TBCK: variants seen among roughly 807,000 people sequenced by gnomAD.
TBCK encodes TBC1 domain containing kinase, also known as TBC domain-containing protein kinase-like protein.
In TBCK, 99 loss-of-function variants were observed where a neutral mutation model predicts 113.4. That is an observed-to-expected ratio of 0.87 (90% CI 0.74 to 1.03). The LOEUF is 1.03. Among genes scored for constraint, TBCK ranks in the 50% least tolerant of loss-of-function variants. The pLI is 0.00. For synonymous variants in TBCK, 369 were observed against 370.8 expected (o/e 1.00, Z 0.05); for missense variants, 1,045 against 1,061.3 (o/e 0.98, Z 0.21).
intron 25 of TBCK, among the ~76,000 whole-genome samples, chr4:106,078,867 GA>G (rs1177140048): frequency 1.3e-5 from 2 of 152,024 alleles, no homozygotes; most frequent in African/African-American, 4.8e-5. Context: ...TATCTCTGAT[GA>G]ACATGCAAAA....
At position 106,134,799 on chromosome 4, in the gene TBCK, C is replaced by T. The variant is rs368466079; in HGVS notation, c.2236-18421G>A. ...TTAATTTACCTTGTACCTCTCTGAG[C>T]AGGTGAGAAGTAGGGAGAGAGATGG... On this transcript the variant is annotated intron_variant, in intron 23 of 25. Transcript: ENST00000394708. Among the ~76,000 whole-genome samples the T allele has an allele frequency of 1.2e-4, 18 of 152,254 alleles. No individual in the cohort carries two copies. In the South Asian group the frequency reaches 3.7e-3, roughly 32 times the overall value.
intron 25 of TBCK, among the ~76,000 whole-genome samples, chr4:106,076,647 C>A (rs1738228683): frequency 6.6e-6 from 1 of 152,134 alleles, no homozygotes; most frequent in South Asian, 2.1e-4. Context: ...AAAGGGAACT[C>A]TGTCAGGCTC....
chr4:106,105,233 G>C (rs1367246126), intron 24 of TBCK, among the ~76,000 whole-genome samples: 1 of 152,216 alleles, frequency 6.6e-6, no homozygotes, highest in Non-Finnish European at 1.5e-5. Flanking sequence ...CTCATCACCA[G>C]ACAGGAAACT....
intron 25 of TBCK, among the ~76,000 whole-genome samples, chr4:106,050,440 A>C (rs185276602): frequency 2.0e-5 from 3 of 152,154 alleles, no homozygotes; most frequent in Non-Finnish European, 4.4e-5. Flanking sequence ...CAATTCAAAA[A>C]AGCAACTCAA....
chr4:106,108,077 A>G (rs1742386958), intron 24 of TBCK, among the ~76,000 whole-genome samples: 1 of 152,200 alleles, frequency 6.6e-6, no homozygotes, highest in Admixed American at 6.5e-5. Flanking sequence ...TTCCCTGAAC[A>G]GACCAATAAT....
rs11386971 is a variant in TBCK, at chr4:106,171,402, T to TA, written c.2060-133dup. On this transcript the variant is annotated intron_variant, in intron 22 of 25. Coordinates refer to ENST00000394708, the MANE Select transcript of TBCK (RefSeq NM_001163435.3). ...GATAAGTTATTAGAAAAAATGTCAG[T>TA]AAAAAAAACAATGTATATATTAATC... 0.3 allele frequency: 179,848 copies of TA among 605,338 alleles called. 23,991 individuals are homozygous for TA. Among genetic ancestry groups the TA allele is most frequent in the Middle Eastern group, 0.33 (727 of 2,214 alleles). The allele number at this position is 605,338 out of a possible 1,614,324, so 37.5% of individuals were successfully genotyped here.
At chr4:106,169,037 T>G (rs1488980625) in intron 23 of TBCK, among the ~76,000 whole-genome samples, 3 of 152,006 alleles carry the variant, frequency 2.0e-5, no homozygotes, top group Non-Finnish European at 4.4e-5. Context: ...GTAAGTATAA[T>G]GCAAATATTC....
rs368864374 is a variant in TBCK, at chr4:106,262,189, G to A, written c.290C>T (p.Ala97Val). The change falls in exon 4 of 26, where the codon GCA becomes GTA. Residue 97 changes from alanine (A) to valine (V), a missense_variant. Ala to Val is a moderately conservative substitution (Grantham distance 64). Coordinates refer to ENST00000394708, the MANE Select transcript of TBCK (RefSeq NM_001163435.3). ...CTGCAAGCCCTGAAGAACCTCAAAT[G>A]CTATACACAAAACCGTTGAACAGCT... ...PVSCSTVLCI[A>V]FEVLQGLQYM... 1.0e-4 allele frequency: 160 copies of A among 1,546,382 alleles called. No homozygotes were observed. In the African/African-American group the frequency reaches 1.9e-3, roughly 18 times the overall value.
At chr4:106,285,262 T>C (rs914765665) in intron 3 of TBCK, among the ~76,000 whole-genome samples, 65 of 152,132 alleles carry the variant, frequency 4.3e-4, no homozygotes, top group Non-Finnish European at 8.8e-4. Flanking sequence ...ACTAACTTGA[T>C]AACACCTCAT....
chr4:106,188,576 T>G (rs1001344891), intron 22 of TBCK, among the ~76,000 whole-genome samples: 1 of 152,128 alleles, frequency 6.6e-6, no homozygotes, highest in African/African-American at 2.4e-5. Flanking sequence ...CAGAAACCCT[T>G]ATCAACCATA....
chr4:106,219,226 G>A (rs1295995282), intron 19 of TBCK, among the ~76,000 whole-genome samples: 1 of 116,592 alleles, frequency 8.6e-6, no homozygotes, highest in East Asian at 2.9e-4. Context: ...GTTGTGGGGT[G>A]GGGGGAGGGG....
At chr4:106,235,145 T>C (rs1759302819) in intron 15 of TBCK, 124 bp downstream of exon 15, 2 of 550,116 alleles carry the variant, frequency 3.6e-6, no homozygotes, top group Non-Finnish European at 5.8e-6. Context: ...CCAAATATTC[T>C]AATGCTTATA....
intron 25 of TBCK, among the ~76,000 whole-genome samples, chr4:106,076,306 A>G (rs751383217): frequency 3.3e-5 from 5 of 152,214 alleles, no homozygotes; most frequent in Non-Finnish European, 2.9e-5. Flanking sequence ...TTGGAACCTA[A>G]ACATGTGATT....
chr4:106,191,715 A>C (rs910338734), intron 22 of TBCK, among the ~76,000 whole-genome samples: 12 of 152,314 alleles, frequency 7.9e-5, no homozygotes, highest in Non-Finnish European at 1.3e-4. Flanking sequence ...ATTTATAAGC[A>C]AAACAGATTA....
intron 25 of TBCK, among the ~76,000 whole-genome samples, chr4:106,068,896 G>C (rs1191134094): frequency 6.6e-6 from 1 of 152,200 alleles, no homozygotes; most frequent in African/African-American, 2.4e-5. Context: ...GATGACCAGT[G>C]ATCATGAGCA....
At chr4:106,191,249 C>A (rs1298530478) in intron 22 of TBCK, among the ~76,000 whole-genome samples, 3 of 152,136 alleles carry the variant, frequency 2.0e-5, no homozygotes, top group Non-Finnish European at 2.9e-5. Context: ...GGGACTTGAG[C>A]ATTTGTGGAT....
At chr4:106,299,866 T>C (rs1486945278) in intron 2 of TBCK, among the ~76,000 whole-genome samples, 1 of 152,206 alleles carries the variant, frequency 6.6e-6, no homozygotes, top group Non-Finnish European at 1.5e-5. Context: ...AATTGTGAAA[T>C]AGTCTTACTT....
chr4:106,228,650 T>C (rs1204839634), intron 19 of TBCK, among the ~76,000 whole-genome samples: 1 of 152,090 alleles, frequency 6.6e-6, no homozygotes, highest in Non-Finnish European at 1.5e-5. Flanking sequence ...TGTCTGTTGA[T>C]GGACACTTAG....
chr4:106,136,379 G>A (rs1746556767), intron 23 of TBCK, among the ~76,000 whole-genome samples: 1 of 141,390 alleles, frequency 7.1e-6, no homozygotes, highest in Non-Finnish European at 1.6e-5. Flanking sequence ...TCATGATACA[G>A]GAGGAGTAGT....
Sources: allele counts gnomAD v4.1 joint callset (sites outside exome capture counted in the v4.1 genomes callset), GRCh38; gene constraint gnomAD v4.1.1; transcripts MANE v1.5; gene names NCBI Gene and HGNC (gene_info 2026-07-23, HGNC 2026-07-21).